TYW1B: variants seen among roughly 807,000 people sequenced by gnomAD.
TYW1B encodes S-adenosyl-L-methionine-dependent tRNA 4-demethylwyosine synthase TYW1B.
A neutral mutation model predicts 86.9 loss-of-function variants in TYW1B; 73 were observed. The observed-to-expected ratio is 0.84, with a 90% confidence interval of 0.70 to 1.02. TYW1B has a LOEUF of 1.02. TYW1B is among the 50% of genes least tolerant of loss of function. The pLI is 0.00. For missense variants in TYW1B, 637 were observed against 827.4 expected (o/e 0.77, Z 2.82); for synonymous variants, 248 against 292.8 (o/e 0.85, Z 1.56).
At chr7:72,593,921 A>G (rs545694629) in intron 13 of TYW1B, among the ~76,000 whole-genome samples, 10 of 151,854 alleles carry the variant, frequency 6.6e-5, no homozygotes, top group African/African-American at 9.6e-5. Context: ...AATATTACCA[A>G]TGGATCACAG....
chr7:72,629,676 AGC>A (rs1812436508), intron 11 of TYW1B, among the ~76,000 whole-genome samples: 1 of 152,104 alleles, frequency 6.6e-6, no homozygotes, highest in Admixed American at 6.5e-5. Context: ...CTTCCCAAGT[AGC>A]TGGGACTACA....
chr7:72,635,585 G>C (rs1275188889), intron 11 of TYW1B, among the ~76,000 whole-genome samples: 2 of 152,170 alleles, frequency 1.3e-5, no homozygotes, highest in Non-Finnish European at 1.5e-5. Flanking sequence ...TCCTACAGTG[G>C]AGCAAGTTCT....
intron 10 of TYW1B, among the ~76,000 whole-genome samples, chr7:72,696,057 C>A (rs1814312289): frequency 6.6e-6 from 1 of 151,770 alleles, no homozygotes; most frequent in South Asian, 2.1e-4. Context: ...AAGTGACTCT[C>A]CTGCCTCAGT....
intron 11 of TYW1B, among the ~76,000 whole-genome samples, chr7:72,677,334 G>C (rs1762255148): frequency 6.6e-6 from 1 of 151,502 alleles, no homozygotes; most frequent in Non-Finnish European, 1.5e-5. Context: ...TTTTGGTAGA[G>C]AAAGGGTCTT....
chr7:72,719,795 G>A (rs1397736343), intron 9 of TYW1B, among the ~76,000 whole-genome samples: 3 of 152,112 alleles, frequency 2.0e-5, no homozygotes, highest in African/African-American at 7.2e-5. Context: ...AGCTGGAGGA[G>A]GTGAGGGAGT....
At chr7:72,667,888 G>C (rs1554445625) in intron 11 of TYW1B, among the ~76,000 whole-genome samples, 1 of 152,166 alleles carries the variant, frequency 6.6e-6, no homozygotes, top group Non-Finnish European at 1.5e-5. Context: ...CTTGTGGCTA[G>C]CCAGATCTTT....
At chr7:72,717,598 A>C (rs533856315) in intron 9 of TYW1B, among the ~76,000 whole-genome samples, 3 of 152,008 alleles carry the variant, frequency 2.0e-5, no homozygotes, top group Admixed American at 6.6e-5. Flanking sequence ...ACATACAGTC[A>C]TTCTCCGGGT....
intron 11 of TYW1B, among the ~76,000 whole-genome samples, chr7:72,651,232 T>A (rs1408852859): frequency 6.6e-6 from 1 of 152,122 alleles, no homozygotes. Flanking sequence ...ATCATGGAAG[T>A]ACAGAATGAA....
intron 13 of TYW1B, among the ~76,000 whole-genome samples, chr7:72,592,844 A>G (rs1196407074): frequency 6.6e-6 from 1 of 152,250 alleles, no homozygotes; most frequent in Non-Finnish European, 1.5e-5. Flanking sequence ...GCAAGAACAT[A>G]TAACTATTAT....
chr7:72,773,598 C>G (rs1171654167), intron 7 of TYW1B, among the ~76,000 whole-genome samples: 1 of 152,126 alleles, frequency 6.6e-6, no homozygotes, highest in East Asian at 1.9e-4. Flanking sequence ...AGAGATGAAA[C>G]CTACAAAGAG....
chr7:72,717,019 G>A (rs1423743055), intron 9 of TYW1B, among the ~76,000 whole-genome samples: 3 of 151,860 alleles, frequency 2.0e-5, no homozygotes, highest in African/African-American at 2.4e-5. Context: ...CATGCAGTTT[G>A]GCTGGGCACG....
At chr7:72,629,572 A>T (rs372658781) in intron 11 of TYW1B, among the ~76,000 whole-genome samples, 1 of 150,122 alleles carries the variant, frequency 6.7e-6, no homozygotes, top group Non-Finnish European at 1.5e-5. Context: ...TTAGAGACAG[A>T]GTCTCGCTCT....
intron 2 of TYW1B, among the ~76,000 whole-genome samples, chr7:72,820,716 T>C (rs568601135): frequency 1.3e-3 from 195 of 152,178 alleles, no homozygotes; most frequent in African/African-American, 4.5e-3. Context: ...ATTCATCTAT[T>C]CAGGAGGGAT....
At chr7:72,625,023 C>T (rs1296307975) in intron 12 of TYW1B, among the ~76,000 whole-genome samples, 2 of 150,346 alleles carry the variant, frequency 1.3e-5, no homozygotes, top group Non-Finnish European at 2.9e-5. Flanking sequence ...TGTGCCAGTG[C>T]GCTCCAGCCT....
intron 13 of TYW1B, among the ~76,000 whole-genome samples, chr7:72,599,629 A>G (rs1811611393): frequency 1.3e-5 from 2 of 152,294 alleles, no homozygotes; most frequent in South Asian, 4.1e-4. Context: ...CATGTAGAAG[A>G]TCCCAAAGAA....
At chr7:72,675,542 T>TATATATATATATATATATATACACAC (rs1813715135) in intron 11 of TYW1B, among the ~76,000 whole-genome samples, 1 of 125,864 alleles carries the variant, frequency 7.9e-6, no homozygotes, top group Admixed American at 8.7e-5. Context: ...GATGTCAGTA[T>TATATATATATATATATATATACACAC]ATATATATAT....
intron 11 of TYW1B, among the ~76,000 whole-genome samples, chr7:72,679,492 T>C (rs1813817961): frequency 6.6e-6 from 1 of 152,242 alleles, no homozygotes; most frequent in East Asian, 1.9e-4. Flanking sequence ...GTCACGAGCA[T>C]AATATCAAAC....
At chr7:72,810,967 C>G (rs1333138279) in intron 3 of TYW1B, among the ~76,000 whole-genome samples, 2 of 151,824 alleles carry the variant, frequency 1.3e-5, no homozygotes, top group African/African-American at 2.4e-5. Flanking sequence ...AAACAAAATC[C>G]AAATCAATCA....
At chr7:72,617,007 A>T (rs1812093047) in intron 12 of TYW1B, among the ~76,000 whole-genome samples, 168 bp from the exon 13 acceptor site, 3 of 152,158 alleles carry the variant, frequency 2.0e-5, no homozygotes, top group Admixed American at 2.0e-4. Flanking sequence ...GAGACCATAC[A>T]AGTAGCTACT....
Sources: allele counts gnomAD v4.1 joint callset (sites outside exome capture counted in the v4.1 genomes callset), GRCh38; gene constraint gnomAD v4.1.1; transcripts MANE v1.5; gene names NCBI Gene and HGNC (gene_info 2026-07-23, HGNC 2026-07-21).